WWOX: variants seen among roughly 807,000 people sequenced by gnomAD.
The protein encoded by WWOX is WW domain-containing oxidoreductase.
Under a neutral mutation model 46.2 loss-of-function variants are expected in WWOX, and 69 were observed. That is an observed-to-expected ratio of 1.49 (90% confidence interval 1.23 to 1.82). The LOEUF (loss-of-function observed/expected upper bound fraction) is 1.82. WWOX is among the 40% of genes most tolerant of loss of function. The pLI is 0.00. For missense variants in WWOX, 919 were observed against 542.6 expected (o/e 1.69, Z -6.89); for synonymous variants, 359 against 202.6 (o/e 1.77, Z -6.56).
chr16:78,249,023 A>AT (rs1197245659), intron 5 of WWOX, among the ~76,000 whole-genome samples: 1 of 151,806 alleles, frequency 6.6e-6, no homozygotes, highest in Middle Eastern at 3.4e-3. Flanking sequence ...TGCCCAGCTA[A>AT]TTTTTTTGTA....
intron 8 of WWOX, among the ~76,000 whole-genome samples, chr16:79,161,461 A>T (rs12932596): frequency 6.6e-6 from 1 of 152,132 alleles, no homozygotes; most frequent in Non-Finnish European, 1.5e-5. Context: ...TAGGGGAGAG[A>T]AGGAGAGAAG....
chr16:78,390,718 G>A (rs887513944), intron 6 of WWOX, among the ~76,000 whole-genome samples: 1 of 152,172 alleles, frequency 6.6e-6, no homozygotes, highest in Non-Finnish European at 1.5e-5. Context: ...TGGTGACTAG[G>A]CTGCCAGAGA....
chr16:78,760,239 A>C (rs569668755), intron 8 of WWOX, among the ~76,000 whole-genome samples: 1 of 152,258 alleles, frequency 6.6e-6, no homozygotes, highest in African/African-American at 2.4e-5. Context: ...ATCTCATGAG[A>C]CTTATTCACT....
chr16:78,792,004 A>G (rs2050614710), intron 8 of WWOX, among the ~76,000 whole-genome samples: 1 of 152,170 alleles, frequency 6.6e-6, no homozygotes, highest in South Asian at 2.1e-4. Context: ...TTCAGAAGTC[A>G]GTACTGGACA....
At chr16:78,744,089 A>G (rs1264083105) in intron 8 of WWOX, among the ~76,000 whole-genome samples, 1 of 152,204 alleles carries the variant, frequency 6.6e-6, no homozygotes, top group Non-Finnish European at 1.5e-5. Context: ...TGGATGTGGT[A>G]TGAAGAGTAT....
At chr16:78,651,550 G>A (rs898731177) in intron 8 of WWOX, among the ~76,000 whole-genome samples, 1 of 152,148 alleles carries the variant, frequency 6.6e-6, no homozygotes, top group Non-Finnish European at 1.5e-5. Flanking sequence ...TGAGGTCTAG[G>A]GCTAAACTCT....
intron 8 of WWOX, among the ~76,000 whole-genome samples, chr16:78,510,702 T>G (rs1297841315): frequency 6.6e-6 from 1 of 152,232 alleles, no homozygotes; most frequent in African/African-American, 2.4e-5. Flanking sequence ...ATTTGTAAAT[T>G]GTGTGCTACA....
Position 78,114,978 on chromosome 16 carries a change from A to C in WWOX, c.233A>C (p.His78Pro), listed in dbSNP as rs375002918. Residue 78 changes from histidine (H) to proline (P), a missense_variant and splice_region_variant, in exon 4 of 9, where the codon CAT becomes CCT. Physicochemically the swap from His to Pro is moderately conservative, Grantham distance 77 (BLOSUM62 -2). Transcript: ENST00000566780. ...DENGQVFFVD[H>P]INKRTTYLDP... ...TCACTGCTTTCTCTTTTGGGCAGCC[A>C]TATAAATAAAAGAACCACCTACTTG... 1.9e-5 allele frequency: 30 copies of C among 1,614,080 alleles called. No homozygotes were observed. Among genetic ancestry groups the C allele is most frequent in the Non-Finnish European group, 2.5e-5 (30 of 1,180,046 alleles).
At chr16:78,481,475 G>C (rs2738686) in intron 8 of WWOX, among the ~76,000 whole-genome samples, 37,571 of 151,956 alleles carry the variant, frequency 0.25, 5,478 homozygotes, top group African/African-American at 0.41. Context: ...AGATGCTGAA[G>C]TTTTGATGGG....
chr16:78,243,235 G>A (rs1276464548), intron 5 of WWOX, among the ~76,000 whole-genome samples: 1 of 152,086 alleles, frequency 6.6e-6, no homozygotes, highest in Non-Finnish European at 1.5e-5. Flanking sequence ...ATCACAAGAG[G>A]TAATAGTGTA....
chr16:78,461,299 G>C (rs1410505721), intron 8 of WWOX, among the ~76,000 whole-genome samples: 1 of 152,136 alleles, frequency 6.6e-6, no homozygotes, highest in African/African-American at 2.4e-5. Context: ...GTCATCGTCT[G>C]CTGCTCTTGC....
At chr16:78,874,171 G>A (rs558952644) in intron 8 of WWOX, among the ~76,000 whole-genome samples, 7 of 151,036 alleles carry the variant, frequency 4.6e-5, no homozygotes, top group South Asian at 2.1e-4. Context: ...CAGGAGAATC[G>A]CTTGAACCCA....
Position 78,344,876 on chromosome 16 carries a change from C to CT in WWOX, c.517-41984_517-41983insT, listed in dbSNP as rs1377224660. ...TGTCTGAAGAAGTTAGTTTGGTGAA[C>CT]ATGGGCTTCAGGGTCAGACTGCTTG... On this transcript the variant is annotated intron_variant, in intron 5 of 8. Transcript: ENST00000566780. 8.2e-5 allele frequency among the ~76,000 whole-genome samples: 10 copies of CT among 121,228 alleles called. 4 individuals carry two copies. Among genetic ancestry groups the CT allele is most frequent in the Non-Finnish European group, 2.0e-4 (10 of 50,768 alleles). 79.5% of individuals were successfully genotyped at this position (121,228 alleles called of 152,430 possible). A position where few individuals can be genotyped will look rare whatever the true frequency, so the allele number is the denominator to read the frequency against.
intron 8 of WWOX, among the ~76,000 whole-genome samples, chr16:78,655,629 T>C (rs2047063665): frequency 6.6e-6 from 1 of 152,120 alleles, no homozygotes. Context: ...TAAGTAGTGA[T>C]AATTGGGTTT....
intron 8 of WWOX, among the ~76,000 whole-genome samples, chr16:79,171,276 G>T (rs2050694602): frequency 6.6e-6 from 1 of 152,182 alleles, no homozygotes; most frequent in Admixed American, 6.5e-5. Context: ...GAAGTATTCT[G>T]ATAATGGCTT....
chr16:78,961,658 C>G (rs112829310), intron 8 of WWOX, among the ~76,000 whole-genome samples: 1 of 152,046 alleles, frequency 6.6e-6, no homozygotes, highest in Admixed American at 6.6e-5. Flanking sequence ...TCCAGCTTCA[C>G]GTGCAAGAGA....
intron 7 of WWOX, among the ~76,000 whole-genome samples, chr16:78,431,453 G>A (rs1275794776): frequency 6.6e-6 from 1 of 152,090 alleles, no homozygotes; most frequent in Non-Finnish European, 1.5e-5. Flanking sequence ...CAGGACTCAA[G>A]CATTAGCTAA....
intron 8 of WWOX, among the ~76,000 whole-genome samples, chr16:78,449,210 A>G (rs757849919): frequency 5.2e-4 from 79 of 152,322 alleles, no homozygotes; most frequent in Non-Finnish European, 8.5e-4. Flanking sequence ...GATCTCCATC[A>G]TGGCTGCTGG....
chr16:78,599,384 A>G (rs1345803479), intron 8 of WWOX, among the ~76,000 whole-genome samples: 1 of 152,208 alleles, frequency 6.6e-6, no homozygotes, highest in African/African-American at 2.4e-5. Context: ...AATGGGAAGG[A>G]AACCAAAGGG....
Sources: gnomAD v4.1 joint callset for allele counts (sites outside exome capture counted in the v4.1 genomes callset) on GRCh38, gnomAD v4.1.1 for gene constraint, MANE v1.5 for transcripts, NCBI Gene and HGNC (gene_info 2026-07-23, HGNC 2026-07-21) for gene names.